Variants in NPAT observed in about 807,000 individuals in gnomAD.
NPAT encodes nuclear protein, coactivator of histone transcription.
In NPAT, 52 loss-of-function variants were observed where a neutral mutation model predicts 130.7. The ratio of observed to expected loss-of-function variants is 0.40; its 90% CI spans 0.32 to 0.50. NPAT has a LOEUF of 0.50. Ranked by LOEUF, NPAT falls within the 20% of genes least tolerant of loss-of-function variation. The pLI, the probability that NPAT is intolerant of heterozygous loss-of-function variation, is 0.68. For missense variants in NPAT, 1,687 were observed against 1,662.6 expected, an observed-to-expected ratio of 1.01 and a Z score of -0.26; for synonymous variants, 580 against 584.8, an observed-to-expected ratio of 0.99 and a Z score of 0.12.
At chr11:108,212,145 G>A (rs564239150) in intron 1 of NPAT, among the ~76,000 whole-genome samples, 2 of 151,230 alleles carry the variant, frequency 1.3e-5, no homozygotes, top group Non-Finnish European at 2.9e-5. Flanking sequence ...TAAGATCAGG[G>A]AAAAGGTAAG....
At chr11:108,184,036 T>C (rs551778039) in intron 10 of NPAT, among the ~76,000 whole-genome samples, 2 of 152,202 alleles carry the variant, frequency 1.3e-5, no homozygotes, top group East Asian at 1.9e-4. Flanking sequence ...TAGACTGTTA[T>C]ATTCCTCCCT....
At chr11:108,197,158 T>C in intron 2 of NPAT, 144 bp downstream of exon 2, 1 of 662,996 alleles carries the variant, frequency 1.5e-6, no homozygotes, top group Non-Finnish European at 2.7e-6. Context: ...GCTGGTCTTC[T>C]TTGGGTCTTA....
intron 1 of NPAT, among the ~76,000 whole-genome samples, chr11:108,221,296 A>T (rs1426670957): frequency 1.3e-5 from 2 of 152,148 alleles, no homozygotes; most frequent in Non-Finnish European, 2.9e-5. Context: ...CACAATAAAG[A>T]ATTATGAGGC....
Position 108,161,015 on chromosome 11 carries a change from T to C in NPAT, c.4071A>G (p.Gln1357=), listed in dbSNP as rs1365620269. ...TSATPLKDNT[Q]QFRASSRSTT... ...TGCTCCTTGAAGATGCTCTAAACTG[T>C]TGTGTGTTATCTTTCAGAGGAGTTG... Residue 1357 remains glutamine, a synonymous_variant, in exon 17 of 18, where the codon CAA becomes CAG. Coordinates refer to ENST00000278612, the MANE Select transcript of NPAT (RefSeq NM_002519.3). 8.1e-6 allele frequency: 13 copies of C among 1,614,062 alleles called. No homozygotes were observed. The highest frequency in any genetic ancestry group is 9.3e-6 in the Non-Finnish European group (11 of 1,180,028).
rs145078676 is a variant in NPAT at position 108,177,951 on chromosome 11, G to A, written c.907-861C>T. On this transcript the variant is annotated intron_variant, in intron 10 of 17. Transcript: ENST00000278612. The stretch of plus-strand genomic sequence containing the variant: ...GCCCAGGCTGGTCTTGAACTCCTGG[G>A]CTCATGCGATCCGCCCACCTCGGCC... Among the ~76,000 whole-genome samples the A allele has an allele frequency of 3.7e-3, 564 of 152,234 alleles. 2 individuals carry two copies. Among genetic ancestry groups the A allele is most frequent in the Non-Finnish European group, 6.9e-3 (470 of 68,012 alleles).
At chr11:108,199,457 C>T (rs886937261) in intron 1 of NPAT, among the ~76,000 whole-genome samples, 36 of 152,334 alleles carry the variant, frequency 2.4e-4, no homozygotes, top group Non-Finnish European at 8.8e-5. Context: ...GACAGCATAG[C>T]GGCACTGAAT....
At chr11:108,174,342 T>C (rs903771485) in intron 12 of NPAT, among the ~76,000 whole-genome samples, 2 of 152,264 alleles carry the variant, frequency 1.3e-5, no homozygotes, top group Admixed American at 6.5e-5. Context: ...CTTGATCTCA[T>C]TGTGTACTGT....
chr11:108,166,287 G>C (rs1472578076), intron 15 of NPAT, among the ~76,000 whole-genome samples: 1 of 152,088 alleles, frequency 6.6e-6, no homozygotes. Context: ...AGCTACAAGG[G>C]AGGCTGAGAC....
intron 4 of NPAT, among the ~76,000 whole-genome samples, chr11:108,191,578 C>A (rs2078169726): frequency 6.6e-6 from 1 of 152,178 alleles, no homozygotes; most frequent in Non-Finnish European, 1.5e-5. Context: ...GAAAATGAAA[C>A]CCATGCTGAA....
Position 108,161,440 on chromosome 11 carries a change from T to A in NPAT, c.3646A>T (p.Asn1216Tyr). Residue 1216 changes from asparagine (N) to tyrosine (Y), a missense_variant, in exon 17 of 18, where the codon AAC (asparagine) becomes TAC (tyrosine). Physicochemically the swap from Asn to Tyr is moderately radical, Grantham distance 143. This residue lies in a region of NPAT where 1,379 missense variants were observed against 1,346.6 expected (regional missense o/e 1.02). Coordinates refer to ENST00000278612, the MANE Select transcript of NPAT (RefSeq NM_002519.3). The part of the protein sequence containing the change: ...EMTKKQGTSS[N>Y]NKNVLSVGTA... ...CCTACTGAAAGTACATTTTTATTGT[T>A]TGAAGATGTGCCTTGTTTTTTGGTC... 6.2e-7 allele frequency: 1 copy of A among 1,614,246 alleles called. No individual in the cohort carries two copies. Among genetic ancestry groups the A allele is most frequent in the East Asian group, 2.2e-5 (1 of 44,896 alleles).
At chr11:108,207,875 A>G (rs1034121696) in intron 1 of NPAT, among the ~76,000 whole-genome samples, 8 of 152,216 alleles carry the variant, frequency 5.3e-5, no homozygotes, top group African/African-American at 1.9e-4. Flanking sequence ...AGCCCTGGCC[A>G]CACCTCCCGT....
At chr11:108,191,824 T>G (rs1164293424) in intron 4 of NPAT, among the ~76,000 whole-genome samples, 1 of 152,030 alleles carries the variant, frequency 6.6e-6, no homozygotes, top group East Asian at 1.9e-4. Context: ...GAATTCACAG[T>G]GGCCTGGGAT....
At position 108,161,562 on chromosome 11, in the gene NPAT, A is replaced by C; in HGVS notation, c.3524T>G (p.Val1175Gly). ...ANKENELCSD[V>G]ERQKNPENSK... is the part of the protein sequence containing the mutation. ...ATTTTCTGGATTTTTCTGTCTTTCT[A>C]CATCGCTGCATAATTCATTCTCCTT... Residue 1175 changes from valine (V) to glycine (G), a missense_variant, in exon 17 of 18, where the codon GTA (valine) becomes GGA (glycine). By Grantham distance (109) the Val-to-Gly change is moderately radical. Around this residue, in one of 3 missense-constraint regions of NPAT, gnomAD observed 1,379 missense variants for 1,346.6 expected, o/e 1.02. Transcript: ENST00000278612. 3.1e-6 allele frequency: 5 copies of C among 1,614,154 alleles called. No individual in the cohort carries two copies. Among genetic ancestry groups the C allele is most frequent in the Non-Finnish European group, 4.2e-6 (5 of 1,180,024 alleles).
At position 108,161,507 on chromosome 11, in the gene NPAT, C is replaced by A; in HGVS notation, c.3579G>T (p.Gly1193=). The change falls in exon 17 of 18, where the codon GGG becomes GGT. Residue 1193 remains glycine, a synonymous_variant. Transcript: ENST00000278612. ...CTATAGATTTCTCACTTCGCAAACC[C>A]CCATTTTGCTGCCCAATAGATAGTT... ...NSKLSIGQQN[G]GLRSEKSIAS... is the part of the protein sequence containing the mutation. 2 of 1,614,188 alleles carry A rather than the reference C, an allele frequency of 1.2e-6. No homozygotes were observed. The highest frequency in any genetic ancestry group is 1.1e-5 in the South Asian group (1 of 91,080).
Position 108,197,412 on chromosome 11 carries a change from G to T in NPAT, c.46C>A (p.Gln16Lys). 1.3e-6 allele frequency: 2 copies of T among 1,592,328 alleles called. No homozygotes were observed. Among genetic ancestry groups the T allele is most frequent in the Non-Finnish European group, 1.7e-6 (2 of 1,160,374 alleles). Residue 16 changes from glutamine to lysine, a missense_variant, in exon 2 of 18, where the codon CAG becomes AAG. Gln to Lys is a moderately conservative substitution (Grantham distance 53). Transcript: ENST00000278612. ...DVARLVLGYLQQENLISTCQT... is the reference protein window; with the variant it reads ...DVARLVLGYLKQENLISTCQT... ...CAGGTAGAAATGAGGTTTTCTTGCT[G>T]TAAGTAACCTAAATAAAAAATAAAA...
intron 2 of NPAT, among the ~76,000 whole-genome samples, chr11:108,194,336 A>G (rs1343633532): frequency 6.6e-6 from 1 of 152,182 alleles, no homozygotes; most frequent in African/African-American, 2.4e-5. Flanking sequence ...AGCTGTATAT[A>G]TATATATTAA....
chr11:108,212,159 G>C (rs1376668132), intron 1 of NPAT, among the ~76,000 whole-genome samples: 1 of 151,574 alleles, frequency 6.6e-6, no homozygotes, highest in Non-Finnish European at 1.5e-5. Flanking sequence ...AGGTAAGAAG[G>C]TCTGTTCTTG....
intron 15 of NPAT, among the ~76,000 whole-genome samples, chr11:108,168,326 C>G (rs999050897): frequency 2.0e-5 from 3 of 152,098 alleles, no homozygotes; most frequent in African/African-American, 7.2e-5. Context: ...ATATAAAATA[C>G]ATTTATGCAA....
intron 1 of NPAT, among the ~76,000 whole-genome samples, chr11:108,210,395 T>G (rs1013083542): frequency 6.6e-6 from 1 of 152,146 alleles, no homozygotes; most frequent in Admixed American, 6.5e-5. Flanking sequence ...TCACAAGACC[T>G]GGTCATTTAA....
Sources: allele counts gnomAD v4.1 joint callset (sites outside exome capture counted in the v4.1 genomes callset), GRCh38; gene constraint gnomAD v4.1.1; regional missense constraint gnomAD v4.1.1; transcripts MANE v1.5; gene names NCBI Gene and HGNC (gene_info 2026-07-23, HGNC 2026-07-21).